Variants in LRRN3 observed in about 807,000 individuals in gnomAD.
The protein encoded by LRRN3 is leucine-rich repeat neuronal protein 3.
LRRN3 carries 15 observed loss-of-function variants against 40.1 expected under a neutral mutation model. That is an observed-to-expected ratio of 0.37 (90% CI 0.25 to 0.58). The LOEUF (loss-of-function observed/expected upper bound fraction) is 0.58, where lower values mean the gene tolerates loss of function less well. Ranked by LOEUF, LRRN3 falls within the 20% of genes least tolerant of loss-of-function variation. LRRN3 has a pLI of 0.72. For synonymous variants in LRRN3, 308 were observed against 297.2 expected (o/e 1.04, Z -0.37); for missense variants, 746 against 837.7 (o/e 0.89, Z 1.35).
At chr7:111,118,204 T>C (rs1800125401) in intron 2 of LRRN3, among the ~76,000 whole-genome samples, 2 of 152,112 alleles carry the variant, frequency 1.3e-5, no homozygotes, top group African/African-American at 4.8e-5. Flanking sequence ...TGAGCAGATA[T>C]TTTATCTTAT....
chr7:111,104,165 A>T (rs1368231840), intron 2 of LRRN3, among the ~76,000 whole-genome samples: 2 of 151,684 alleles, frequency 1.3e-5, no homozygotes, highest in African/African-American at 4.8e-5. Flanking sequence ...TCCTTCATTC[A>T]TGCATGCACA....
Position 111,124,295 on chromosome 7 carries a change from C to A in LRRN3, c.1523C>A (p.Ser508Tyr), listed in dbSNP as rs771306288. Residue 508 changes from serine to tyrosine, a missense_variant, in exon 3 of 3, where the codon TCT becomes TAT. Physicochemically the swap from Ser to Tyr is moderately radical, Grantham distance 144. Coordinates refer to ENST00000308478, the MANE Select transcript of LRRN3 (RefSeq NM_001099658.2). ...ATNLVGADLK[S>Y]VMIKVDGSFP... ...AACCTAGTTGGCGCTGACTTGAAGT[C>A]TGTTATGATCAAAGTGGATGGATCT... 2 of 1,613,858 alleles carry A rather than the reference C, an allele frequency of 1.2e-6. No individual in the cohort carries two copies. The highest frequency in any genetic ancestry group is 3.3e-5 in the Admixed American group (2 of 59,942).
intron 2 of LRRN3, among the ~76,000 whole-genome samples, chr7:111,102,458 G>A (rs1029238885): frequency 2.6e-5 from 4 of 151,504 alleles, no homozygotes; most frequent in Non-Finnish European, 5.9e-5. Flanking sequence ...TGTCTCTTTA[G>A]ATTGTCATTT....
rs576588079 is a variant in LRRN3, at chr7:111,109,861, C to T, written c.-359+9899C>T. On this transcript the variant is annotated intron_variant, in intron 2 of 2. Coordinates refer to ENST00000308478, the MANE Select transcript of LRRN3 (RefSeq NM_001099658.2). ...CCTTAAAAAGTCTTCAGGGGCTGGGCGCGGTGGCTCATGCCTGTAATTCCA... is the reference window on the plus strand; with the variant it reads ...CCTTAAAAAGTCTTCAGGGGCTGGGTGCGGTGGCTCATGCCTGTAATTCCA... Among the ~76,000 whole-genome samples the T allele has an allele frequency of 6.6e-4, 100 of 152,206 alleles. 1 individual carries two copies. The highest frequency in any genetic ancestry group is 1.4e-3 in the African/African-American group (58 of 41,524).
Position 111,101,709 on chromosome 7 carries a change from G to A in LRRN3, c.-359+1747G>A, listed in dbSNP as rs73714668. Among the ~76,000 whole-genome samples the A allele has an allele frequency of 2.1e-3, 315 of 151,596 alleles. 3 individuals carry two copies. The highest frequency in any genetic ancestry group is 7.2e-3 in the African/African-American group (298 of 41,460). On this transcript the variant is annotated intron_variant, in intron 2 of 2. Coordinates refer to ENST00000308478, the MANE Select transcript of LRRN3 (RefSeq NM_001099658.2). ...GTGTCTTCCCTGAGAAGACTGAGAA[G>A]AGGGTATAGCTAAATGAGTTAGGGG...
At chr7:111,103,098 G>A (rs1366163899) in intron 2 of LRRN3, among the ~76,000 whole-genome samples, 5 of 151,446 alleles carry the variant, frequency 3.3e-5, no homozygotes, top group South Asian at 2.1e-4. Flanking sequence ...AGCATTTTGC[G>A]TGAGTACTAA....
intron 1 of LRRN3, among the ~76,000 whole-genome samples, chr7:111,095,018 G>C (rs1797258634): frequency 6.6e-6 from 1 of 152,012 alleles, no homozygotes; most frequent in Admixed American, 6.6e-5. Context: ...TACTATATTT[G>C]CATAATTGTC....
At chr7:111,103,403 T>C (rs1798192027) in intron 2 of LRRN3, among the ~76,000 whole-genome samples, 1 of 151,668 alleles carries the variant, frequency 6.6e-6, no homozygotes, top group African/African-American at 2.4e-5. Context: ...CTAGCCACAC[T>C]GATTTGCACC....
At chr7:111,097,651 C>T (rs1327407335) in intron 1 of LRRN3, among the ~76,000 whole-genome samples, 1 of 151,776 alleles carries the variant, frequency 6.6e-6, no homozygotes, top group Non-Finnish European at 1.5e-5. Context: ...GTTTTTATGT[C>T]ATTAGACTGT....
In LRRN3 at chr7:111,124,248, T is replaced by A; in HGVS notation, c.1476T>A (p.Gly492=). 6.2e-7 allele frequency: 1 copy of A among 1,613,780 alleles called. No homozygotes were observed. The highest frequency in any genetic ancestry group is 8.5e-7 in the Non-Finnish European group (1 of 1,179,930). ...DINGVTPKEG[G]LYTCIATNLV... is the part of the protein sequence containing the mutation. Reference sequence around the variant, plus strand: ...ATGGCGTAACTCCCAAAGAAGGGGGTTTATATACTTGTATAGCAACTAACC... The same window carrying A: ...ATGGCGTAACTCCCAAAGAAGGGGGATTATATACTTGTATAGCAACTAACC... The change falls in exon 3 of 3, where the codon GGT becomes GGA. Residue 492 remains glycine, a synonymous_variant. Coordinates refer to ENST00000308478, the MANE Select transcript of LRRN3 (RefSeq NM_001099658.2).
chr7:111,116,633 C>G (rs1339020005), intron 2 of LRRN3, among the ~76,000 whole-genome samples: 3 of 152,170 alleles, frequency 2.0e-5, no homozygotes, highest in East Asian at 1.9e-4. Context: ...TTGTGAGAAA[C>G]TAAGATTCAG....
At chr7:111,100,980 T>A (rs753967818) in intron 2 of LRRN3, among the ~76,000 whole-genome samples, 27 of 151,496 alleles carry the variant, frequency 1.8e-4, no homozygotes, top group Admixed American at 1.4e-3. Flanking sequence ...ATGATGAACA[T>A]TTATAAGTTT....
chr7:111,111,237 A>G (rs1016072370), intron 2 of LRRN3, among the ~76,000 whole-genome samples: 1 of 151,414 alleles, frequency 6.6e-6, no homozygotes, highest in Non-Finnish European at 1.5e-5. Flanking sequence ...CTAGTCATGT[A>G]CAACCTTGCA....
rs1396493486 is a variant in LRRN3, at chr7:111,111,956, T to G, written c.-358-10459T>G. 8.3e-3 allele frequency among the ~76,000 whole-genome samples: 1,134 copies of G among 135,872 alleles called. 24 individuals are homozygous for G. The highest frequency in any genetic ancestry group is 0.029 in the African/African-American group (1,043 of 36,368). 89.1% of individuals were successfully genotyped at this position (135,872 alleles called of 152,430 possible). A position where few individuals can be genotyped will look rare whatever the true frequency, so the allele number is the denominator to read the frequency against. ...ATATATAGTTTGTTTTTTTTTTTTT[T>G]TTTTTTTTTGAGATGGAGTCTTGCT... On this transcript the variant is annotated intron_variant, in intron 2 of 2. Transcript: ENST00000308478.
chr7:111,096,913 T>C (rs769256180), intron 1 of LRRN3: 5 of 151,972 alleles, frequency 3.3e-5, no homozygotes, highest in Non-Finnish European at 7.4e-5. Flanking sequence ...TACATTATTC[T>C]GTGAGCCCTT....
chr7:111,097,709 G>T (rs570854034), intron 1 of LRRN3, among the ~76,000 whole-genome samples: 1 of 151,844 alleles, frequency 6.6e-6, no homozygotes, highest in South Asian at 2.1e-4. Context: ...GAGTGTTAAT[G>T]GGGTCTAAAT....
intron 2 of LRRN3, among the ~76,000 whole-genome samples, chr7:111,121,890 A>G (rs1043316977): frequency 6.6e-6 from 1 of 152,190 alleles, no homozygotes; most frequent in Non-Finnish European, 1.5e-5. Flanking sequence ...ATGGAATACT[A>G]TGCAGCCATA....
chr7:111,105,284 T>G (rs1179443900), intron 2 of LRRN3, among the ~76,000 whole-genome samples: 1 of 151,896 alleles, frequency 6.6e-6, no homozygotes, highest in African/African-American at 2.4e-5. Context: ...GCAACAACCT[T>G]CTATGAATCT....
intron 2 of LRRN3, among the ~76,000 whole-genome samples, chr7:111,100,231 C>A (rs1041100490): frequency 2.0e-5 from 3 of 151,292 alleles, no homozygotes; most frequent in Non-Finnish European, 3.0e-5. Context: ...CACCCATCAC[C>A]CAAGCAGTGT....
Sources: gnomAD v4.1 joint callset for allele counts (sites outside exome capture counted in the v4.1 genomes callset) on GRCh38, gnomAD v4.1.1 for gene constraint, MANE v1.5 for transcripts, NCBI Gene and HGNC (gene_info 2026-07-23, HGNC 2026-07-21) for gene names.